NALCN: variants seen among roughly 807,000 people sequenced by gnomAD.
NALCN encodes the protein sodium leak channel, non-selective, also known as sodium leak channel NALCN.
A neutral mutation model predicts 225.3 loss-of-function variants in NALCN; 111 were observed. The observed-to-expected ratio is 0.49, with a 90% CI of 0.42 to 0.58. NALCN has a LOEUF of 0.58. NALCN is among the 20% of genes least tolerant of loss of function. The pLI, the probability that NALCN is intolerant of heterozygous loss-of-function variation, is 0.00. For missense variants in NALCN, 1,378 were observed against 2,202.4 expected, an observed-to-expected ratio of 0.63 and a Z score of 7.49; for synonymous variants, 764 against 769.0, an observed-to-expected ratio of 0.99 and a Z score of 0.11.
intron 15 of NALCN, among the ~76,000 whole-genome samples, chr13:101,173,536 T>G (rs1024546433): frequency 6.6e-6 from 1 of 152,044 alleles, no homozygotes; most frequent in African/African-American, 2.4e-5. Flanking sequence ...AATGGGTCGT[T>G]TTGAAAAATA....
At chr13:101,195,753 G>T (rs6416371) in intron 13 of NALCN, among the ~76,000 whole-genome samples, 61,392 of 151,926 alleles carry the variant, frequency 0.4, 13,722 homozygotes, top group African/African-American at 0.58. Context: ...CCCAAATTTG[G>T]ATGTAAATCT....
chr13:101,399,277 T>C lies in NALCN; in HGVS notation c.-39-112A>G, dbSNP rs1040565864. ...TAAGGCATATATGTGTTCTACTCCA[T>C]AGTGTATAATAAACATATGAAAATA... On this transcript the variant is annotated intron_variant, in intron 1 of 43. Coordinates refer to ENST00000251127, the MANE Select transcript of NALCN (RefSeq NM_052867.4). 2.9e-5 allele frequency: 17 copies of C among 589,974 alleles called. 1 individual carries two copies. The highest frequency in any genetic ancestry group is 2.2e-4 in the Admixed American group (7 of 31,554). 36.5% of individuals were successfully genotyped at this position (589,974 alleles called of 1,614,324 possible).
At chr13:101,313,306 G>A (rs2044423272) in intron 7 of NALCN, among the ~76,000 whole-genome samples, 1 of 151,986 alleles carries the variant, frequency 6.6e-6, no homozygotes, top group African/African-American at 2.4e-5. Flanking sequence ...CAAAAGCAAT[G>A]GCAACAAAAG....
At chr13:101,249,149 A>G (rs550990396) in intron 11 of NALCN, among the ~76,000 whole-genome samples, 9 of 152,352 alleles carry the variant, frequency 5.9e-5, no homozygotes, top group African/African-American at 1.9e-4. Flanking sequence ...AGGATTATAC[A>G]TTCAGTTTCA....
intron 7 of NALCN, among the ~76,000 whole-genome samples, chr13:101,310,539 T>C (rs982549115): frequency 6.6e-6 from 1 of 152,112 alleles, no homozygotes; most frequent in African/African-American, 2.4e-5. Flanking sequence ...AAACTGCAAT[T>C]CCTGCTCACA....
intron 18 of NALCN, among the ~76,000 whole-genome samples, chr13:101,120,113 C>T (rs2096827927): frequency 6.6e-6 from 1 of 152,266 alleles, no homozygotes. Flanking sequence ...AGACTTCTTC[C>T]TCTGTGGGCT....
At chr13:101,375,728 T>TC (rs1434188687) in intron 6 of NALCN, among the ~76,000 whole-genome samples, 1 of 152,192 alleles carries the variant, frequency 6.6e-6, no homozygotes, top group Non-Finnish European at 1.5e-5. Context: ...ATAGACAAAT[T>TC]CCTATGTGAA....
intron 3 of NALCN, among the ~76,000 whole-genome samples, chr13:101,386,992 C>G (rs866228489): frequency 6.6e-6 from 1 of 151,720 alleles, no homozygotes; most frequent in East Asian, 1.9e-4. Flanking sequence ...GAGGCCGAGG[C>G]GGGTGGATCA....
intron 1 of NALCN, among the ~76,000 whole-genome samples, chr13:101,404,867 T>C (rs2047573134): frequency 6.6e-6 from 1 of 152,218 alleles, no homozygotes; most frequent in African/African-American, 2.4e-5. Context: ...CTCATTCACA[T>C]GCTTATACGT....
chr13:101,055,320 C>T lies in NALCN; in HGVS notation c.5192G>A (p.Ser1731Asn). 2 of 1,613,622 alleles carry T rather than the reference C, an allele frequency of 1.2e-6. No individual in the cohort carries two copies. The highest frequency in any genetic ancestry group is 2.2e-5 in the South Asian group (2 of 90,922). ...CTAAATATCCAGAAGGTCATCCCCA[C>T]TTTCGTCGCTCTCCACAGTCAGCTG... Reference protein sequence around the residue: ...TRQLTVESDESGDDLLDI With the variant: ...TRQLTVESDENGDDLLDI Residue 1731 changes from serine (S) to asparagine (N), a missense_variant, in exon 44 of 44, where the codon AGT (serine) becomes AAT (asparagine). Ser to Asn is a conservative substitution (Grantham distance 46). This residue lies in a region of NALCN where 145 missense variants were observed against 169.6 expected (regional missense o/e 0.85). Coordinates refer to ENST00000251127, the MANE Select transcript of NALCN (RefSeq NM_052867.4).
chr13:101,192,379 T>C (rs1187117683), intron 13 of NALCN, among the ~76,000 whole-genome samples: 1 of 152,158 alleles, frequency 6.6e-6, no homozygotes, highest in East Asian at 1.9e-4. Context: ...GCAAGCTATC[T>C]AACATTTTCA....
chr13:101,176,422 T>C, intron 14 of NALCN, 48 bp from the exon 15 acceptor site: 3 of 1,408,314 alleles, frequency 2.1e-6, no homozygotes, highest in Non-Finnish European at 2.9e-6. Context: ...GCCATAAGTA[T>C]CAAAATATTA....
At chr13:101,110,831 T>C (rs187867520) in intron 19 of NALCN, 143 bp from the exon 20 acceptor site, 68 of 836,992 alleles carry the variant, frequency 8.1e-5, no homozygotes, top group African/African-American at 7.5e-4. Flanking sequence ...CAGAAGCTTA[T>C]ACTCTCTCCA....
chr13:101,056,194 T>C (rs1010949551), intron 43 of NALCN, among the ~76,000 whole-genome samples: 9 of 151,408 alleles, frequency 5.9e-5, no homozygotes, highest in African/African-American at 2.2e-4. Context: ...CATGTCTATT[T>C]CACGATCACC....
intron 15 of NALCN, among the ~76,000 whole-genome samples, chr13:101,161,649 A>T (rs777111283): frequency 1.1e-3 from 167 of 152,314 alleles, no homozygotes; most frequent in Non-Finnish European, 2.0e-3. Context: ...AGGCAGGCGG[A>T]TCACCTGAGG....
intron 7 of NALCN, among the ~76,000 whole-genome samples, chr13:101,316,159 C>T (rs1297032895): frequency 3.3e-5 from 5 of 151,674 alleles, no homozygotes; most frequent in East Asian, 2.0e-4. Context: ...GTGTACAATG[C>T]TATTCAATAA....
At chr13:101,084,383 G>A (rs1010343700) in intron 30 of NALCN, among the ~76,000 whole-genome samples, 1 of 152,006 alleles carries the variant, frequency 6.6e-6, no homozygotes, top group Non-Finnish European at 1.5e-5. Flanking sequence ...ATATTGTATT[G>A]CACTGCACTG....
intron 18 of NALCN, among the ~76,000 whole-genome samples, chr13:101,123,551 G>A (rs947034115): frequency 6.6e-6 from 1 of 152,130 alleles, no homozygotes; most frequent in Non-Finnish European, 1.5e-5. Context: ...GACCTTGTCT[G>A]TTTATCTCAT....
At chr13:101,148,359 A>G (rs1031880776) in intron 15 of NALCN, among the ~76,000 whole-genome samples, 1 of 152,168 alleles carries the variant, frequency 6.6e-6, no homozygotes, top group African/African-American at 2.4e-5. Flanking sequence ...CTGTCACCAC[A>G]TGGCCTTCTG....
Sources: allele counts gnomAD v4.1 joint callset (sites outside exome capture counted in the v4.1 genomes callset), GRCh38; gene constraint gnomAD v4.1.1; regional missense constraint gnomAD v4.1.1; transcripts MANE v1.5; gene names NCBI Gene and HGNC (gene_info 2026-07-23, HGNC 2026-07-21).